EIPR1: variants seen among roughly 807,000 people sequenced by gnomAD.
EIPR1 encodes the protein EARP and GARP complex-interacting protein 1.
In EIPR1, 25 loss-of-function variants were observed where a neutral mutation model predicts 48.1. The observed-to-expected ratio is 0.52, with a 90% CI of 0.38 to 0.73. The LOEUF (loss-of-function observed/expected upper bound fraction) is 0.73. EIPR1 is among the 30% of genes least tolerant of loss of function. The pLI, the probability that EIPR1 is intolerant of heterozygous loss-of-function variation, is 0.00. For synonymous variants in EIPR1, 204 were observed against 201.9 expected, an observed-to-expected ratio of 1.01 and a Z score of -0.09; for missense variants, 415 against 506.2, an observed-to-expected ratio of 0.82 and a Z score of 1.73.
chr2:3,227,325 G>A (rs910739977), intron 4 of EIPR1, among the ~76,000 whole-genome samples: 25 of 152,286 alleles, frequency 1.6e-4, no homozygotes, highest in African/African-American at 5.8e-4. Flanking sequence ...GAGGTGGTCC[G>A]ATATGGAGAA....
intron 3 of EIPR1, chr2:3,274,408 CACA>C: frequency 6.5e-7 from 1 of 1,550,330 alleles, no homozygotes; most frequent in Non-Finnish European, 8.7e-7. Context: ...AGAGACAGCA[CACA>C]ACAAAATGCT....
chr2:3,326,988 G>T (rs947637544), intron 3 of EIPR1, among the ~76,000 whole-genome samples: 40 of 152,362 alleles, frequency 2.6e-4, no homozygotes, highest in African/African-American at 9.1e-4. Flanking sequence ...TGCAGGCCAG[G>T]GTGCTTGGCA....
At chr2:3,248,365 G>A (rs541139444) in intron 4 of EIPR1, among the ~76,000 whole-genome samples, 18 of 152,292 alleles carry the variant, frequency 1.2e-4, no homozygotes, top group Non-Finnish European at 7.3e-5. Flanking sequence ...AGGCCAAGGC[G>A]GGTGGATCAC....
Position 3,189,908 on chromosome 2 carries a change from C to T in EIPR1, c.990-400G>A, listed in dbSNP as rs1339559854. On this transcript the variant is annotated intron_variant, in intron 8 of 8. Transcript: ENST00000382125. The surrounding 1 kb of genome is among the most constrained non-coding windows in gnomAD (Gnocchi z 4.6). ...GTGTCTGGGTAACACAGGATGTAAA[C>T]GCCCCTATTGCTTGAGCAGAAAGGA... 6.6e-6 allele frequency among the ~76,000 whole-genome samples: 1 copy of T among 152,120 alleles called. No homozygotes were observed. The highest frequency in any genetic ancestry group is 6.5e-5 in the Admixed American group (1 of 15,280).
rs114621851 is a variant in EIPR1 at position 3,201,534 on chromosome 2, C to T, written c.517-4517G>A. On this transcript the variant is annotated intron_variant, in intron 5 of 8. Transcript: ENST00000382125. ...ACTCAGCATGGACCCAGACACAGAGCGGGGGCACAGGCACTGCAGGGAGGG... is the reference window on the plus strand; with the variant it reads ...ACTCAGCATGGACCCAGACACAGAGTGGGGGCACAGGCACTGCAGGGAGGG... 1.6e-3 allele frequency among the ~76,000 whole-genome samples: 250 copies of T among 152,256 alleles called. 2 individuals are homozygous for T. The highest frequency in any genetic ancestry group is 5.6e-3 in the African/African-American group (232 of 41,536).
intron 4 of EIPR1, among the ~76,000 whole-genome samples, chr2:3,240,950 GC>G (rs1283517584): frequency 8.0e-3 from 803 of 99,940 alleles, no homozygotes; most frequent in East Asian, 0.012. Context: ...CTAAAGCAAA[GC>G]CAGCAGATCC....
chr2:3,259,081 A>G (rs1377593102), intron 3 of EIPR1, among the ~76,000 whole-genome samples: 2 of 152,222 alleles, frequency 1.3e-5, no homozygotes, highest in Admixed American at 6.5e-5. Context: ...CTAACCCACT[A>G]GCACACACTA....
intron 3 of EIPR1, among the ~76,000 whole-genome samples, chr2:3,328,125 G>A (rs1001785957): frequency 2.0e-5 from 3 of 152,200 alleles, no homozygotes; most frequent in African/African-American, 4.8e-5. Context: ...GGAAGCTCAT[G>A]TGTTGGCACC....
At chr2:3,202,150 G>A (rs567394058) in intron 5 of EIPR1, among the ~76,000 whole-genome samples, 2 of 152,256 alleles carry the variant, frequency 1.3e-5, no homozygotes, top group Non-Finnish European at 2.9e-5. Flanking sequence ...TGTTAGCCAG[G>A]ATGGTCTCGA....
At chr2:3,198,672 C>A (rs1043710524) in intron 5 of EIPR1, among the ~76,000 whole-genome samples, 1 of 152,080 alleles carries the variant, frequency 6.6e-6, no homozygotes, top group Non-Finnish European at 1.5e-5. Flanking sequence ...CACATGTCAG[C>A]AGGTTCCATG....
At chr2:3,229,957 AG>A (rs1336308102) in intron 4 of EIPR1, among the ~76,000 whole-genome samples, 2 of 152,170 alleles carry the variant, frequency 1.3e-5, no homozygotes, top group African/African-American at 4.8e-5. Flanking sequence ...TGTTACTCAC[AG>A]GGGTATCTGC....
chr2:3,316,243 T>A (rs563357540), intron 3 of EIPR1, among the ~76,000 whole-genome samples: 1 of 150,034 alleles, frequency 6.7e-6, no homozygotes, highest in East Asian at 2.0e-4. Flanking sequence ...ATTATCATCA[T>A]CACCACCATC....
intron 5 of EIPR1, 24 bp from the exon 6 acceptor site, chr2:3,197,041 A>C (rs760419376): frequency 1.9e-6 from 3 of 1,611,842 alleles, no homozygotes; most frequent in Admixed American, 3.3e-5. Flanking sequence ...GATGTTTTCC[A>C]AAGGAAGAAG....
intron 3 of EIPR1, among the ~76,000 whole-genome samples, chr2:3,268,799 G>C (rs780217547): frequency 2.6e-5 from 4 of 152,198 alleles, no homozygotes; most frequent in Non-Finnish European, 4.4e-5. Flanking sequence ...TTCAAGCTCC[G>C]GTGATGTGGA....
At chr2:3,199,036 A>AC (rs1217673459) in intron 5 of EIPR1, among the ~76,000 whole-genome samples, 3 of 83,244 alleles carry the variant, frequency 3.6e-5, no homozygotes, top group East Asian at 2.7e-4. Flanking sequence ...TATGGCAGAC[A>AC]CCCCCAGAGT....
intron 4 of EIPR1, among the ~76,000 whole-genome samples, chr2:3,220,132 G>T (rs1194019649): frequency 6.6e-6 from 1 of 152,154 alleles, no homozygotes; most frequent in African/African-American, 2.4e-5. Flanking sequence ...AGCCACCCTG[G>T]TCCATGGAAA....
At chr2:3,202,143 T>C (rs947730674) in intron 5 of EIPR1, among the ~76,000 whole-genome samples, 7 of 152,164 alleles carry the variant, frequency 4.6e-5, no homozygotes, top group Non-Finnish European at 1.0e-4. Flanking sequence ...TTCACCATGT[T>C]AGCCAGGATG....
intron 4 of EIPR1, among the ~76,000 whole-genome samples, chr2:3,255,207 G>C (rs1667116662): frequency 7.1e-6 from 1 of 140,736 alleles, no homozygotes; most frequent in African/African-American, 2.7e-5. Flanking sequence ...TTTTTTTTTA[G>C]ACGGAGTCTC....
At chr2:3,231,288 A>G (rs1388900745) in intron 4 of EIPR1, among the ~76,000 whole-genome samples, 1 of 152,170 alleles carries the variant, frequency 6.6e-6, no homozygotes. Context: ...CATGTTGTCT[A>G]CAAATACTTT....
Sources: gnomAD v4.1 joint callset for allele counts (sites outside exome capture counted in the v4.1 genomes callset) on GRCh38, gnomAD v4.1.1 for gene constraint, Gnocchi (gnomAD v3.1) non-coding constraint, MANE v1.5 for transcripts, NCBI Gene and HGNC (gene_info 2026-07-23, HGNC 2026-07-21) for gene names.